Variants in STK32B observed in about 807,000 individuals in gnomAD.
STK32B encodes the protein serine/threonine-protein kinase 32B.
STK32B carries 43 observed loss-of-function variants against 52.6 expected under a neutral mutation model. That is an observed-to-expected ratio of 0.82 (90% confidence interval 0.64 to 1.05). STK32B has a LOEUF of 1.05. Among genes scored for constraint, STK32B ranks in the 50% least tolerant of loss-of-function variants. The probability of loss-of-function intolerance (pLI) is 0.00; values close to 1 mark genes in which losing one functional copy is unlikely to be tolerated. For synonymous variants in STK32B, 238 were observed against 204.3 expected, an observed-to-expected ratio of 1.17 and a Z score of -1.41; for missense variants, 621 against 534.6, an observed-to-expected ratio of 1.16 and a Z score of -1.59.
At chr4:5,037,601 G>A in the STK32B span, among the ~76,000 whole-genome samples, 1 of 152,170 alleles carries the variant, frequency 6.6e-6, no homozygotes, top group African/African-American at 2.4e-5. Flanking sequence ...GATTTGGACT[G>A]AGGGTGCCTG....
At chr4:5,455,410 C>T (rs1345822464) in intron 7 of STK32B, among the ~76,000 whole-genome samples, 1 of 152,246 alleles carries the variant, frequency 6.6e-6, no homozygotes, top group Non-Finnish European at 1.5e-5. Context: ...GATCATGCTT[C>T]TACATATGCC....
intron 1 of STK32B, among the ~76,000 whole-genome samples, chr4:5,095,416 A>C (rs1321491809): frequency 6.6e-6 from 1 of 152,216 alleles, no homozygotes; most frequent in Non-Finnish European, 1.5e-5. Flanking sequence ...GGAGTTCAAG[A>C]CCAGTCTGGC....
At chr4:5,198,683 T>C (rs891724951) in intron 3 of STK32B, among the ~76,000 whole-genome samples, 4 of 152,182 alleles carry the variant, frequency 2.6e-5, no homozygotes, top group Middle Eastern at 3.2e-3. Flanking sequence ...ACTCCCTCTT[T>C]AGGCAGGATT....
chr4:5,156,042 C>T (rs1414945832), intron 2 of STK32B, among the ~76,000 whole-genome samples: 1 of 151,662 alleles, frequency 6.6e-6, no homozygotes, highest in African/African-American at 2.4e-5. Context: ...ATAGATCCAC[C>T]ACAAAACACA....
At position 5,361,644 on chromosome 4, in the gene STK32B, G is replaced by A. The variant is rs115347401; in HGVS notation, c.434+30251G>A. On this transcript the variant is annotated intron_variant, in intron 4 of 11. Coordinates refer to ENST00000282908, the MANE Select transcript of STK32B (RefSeq NM_018401.3). ...ATCAATGGCATAGGCCATATTGCTT[G>A]GCCTATTTCAATTTTTTTTGAAGAA... is the stretch of plus-strand genomic sequence containing the variant. Among the ~76,000 whole-genome samples the A allele has an allele frequency of 5.2e-3, 786 of 152,274 alleles. 4 individuals are homozygous for A. Among genetic ancestry groups the A allele is most frequent in the Non-Finnish European group, 7.1e-3 (481 of 68,020 alleles).
At chr4:5,057,375 A>G (rs1742046774) in intron 1 of STK32B, among the ~76,000 whole-genome samples, 1 of 152,186 alleles carries the variant, frequency 6.6e-6, no homozygotes, top group South Asian at 2.1e-4. Flanking sequence ...CATGGTGCAC[A>G]GAGAACTCCC....
intron 1 of STK32B, among the ~76,000 whole-genome samples, chr4:5,122,292 A>G (rs1444740161): frequency 2.6e-5 from 4 of 151,706 alleles, no homozygotes; most frequent in African/African-American, 9.7e-5. Flanking sequence ...CCATTCACTC[A>G]CCCATTCATG....
intron 4 of STK32B, among the ~76,000 whole-genome samples, chr4:5,339,403 G>GT (rs1203853328): frequency 3.9e-5 from 6 of 152,142 alleles, no homozygotes; most frequent in African/African-American, 9.7e-5. Context: ...TTGAGTCAGC[G>GT]TTTTTTACCT....
intron 1 of STK32B, among the ~76,000 whole-genome samples, chr4:5,102,321 C>G (rs962906922): frequency 6.6e-6 from 1 of 152,168 alleles, no homozygotes; most frequent in African/African-American, 2.4e-5. Flanking sequence ...GCTCCTGCGT[C>G]TGCACCACCG....
At chr4:5,455,338 C>T (rs1325877852) in intron 7 of STK32B, among the ~76,000 whole-genome samples, 3 of 152,214 alleles carry the variant, frequency 2.0e-5, no homozygotes, top group Admixed American at 6.5e-5. Flanking sequence ...GGCTCGATCA[C>T]GTGGTGGTGA....
chr4:5,431,057 A>T (rs181285573), intron 6 of STK32B, among the ~76,000 whole-genome samples: 7 of 152,284 alleles, frequency 4.6e-5, no homozygotes, highest in Non-Finnish European at 1.5e-5. Flanking sequence ...CTTAGGGGTG[A>T]TCCTATCTTT....
intron 6 of STK32B, among the ~76,000 whole-genome samples, chr4:5,440,474 A>C (rs1714619475): frequency 6.6e-6 from 1 of 152,142 alleles, no homozygotes; most frequent in Non-Finnish European, 1.5e-5. Context: ...GACTTTGCTG[A>C]AGTTGCTTAT....
chr4:5,264,719 G>A lies in STK32B; in HGVS notation c.261-66501G>A, dbSNP rs570239346. On this transcript the variant is annotated intron_variant, in intron 3 of 11. Coordinates refer to ENST00000282908, the MANE Select transcript of STK32B (RefSeq NM_018401.3). ...GGAGAATGGCGTGAACCCAGGAGGC[G>A]GAGCTTGCAGTGAGCCAAGATTGCG... is the stretch of plus-strand genomic sequence containing the variant. Among the ~76,000 whole-genome samples the A allele has an allele frequency of 4.1e-4, 63 of 152,138 alleles. 1 individual carries two copies. The highest frequency in any genetic ancestry group is 7.9e-4 in the Admixed American group (12 of 15,270).
At chr4:5,053,861 C>G (rs1741887928) in intron 1 of STK32B, among the ~76,000 whole-genome samples, 1 of 152,036 alleles carries the variant, frequency 6.6e-6, no homozygotes, top group Non-Finnish European at 1.5e-5. Context: ...AACCTGTAAT[C>G]CCAGCTACTC....
chr4:5,486,023 A>G (rs1333428188), intron 11 of STK32B, among the ~76,000 whole-genome samples: 4 of 152,048 alleles, frequency 2.6e-5, no homozygotes, highest in Non-Finnish European at 2.9e-5. Context: ...CAGTTAGGCT[A>G]CTCGGGGATC....
intron 4 of STK32B, among the ~76,000 whole-genome samples, chr4:5,372,095 C>T (rs1003511329): frequency 6.6e-6 from 1 of 152,254 alleles, no homozygotes; most frequent in Non-Finnish European, 1.5e-5. Context: ...AAGGGACAAA[C>T]ACTATAACCT....
chr4:5,058,557 T>TTTTTG lies in STK32B; in HGVS notation c.52+6656_52+6660dup, dbSNP rs1341548873. ...GTGGGACAGACTCTTTTCCCATCTT[T>TTTTTG]TTTTGTTTTGTTTTGTTTGTTTGTT... On this transcript the variant is annotated intron_variant, in intron 1 of 11. Transcript: ENST00000282908. This position sits in a 1 kb window ranked among gnomAD's most constrained non-coding sequence, Gnocchi z 4.8. Among the ~76,000 whole-genome samples, 2 of 151,980 alleles carry TTTTTG rather than the reference T, an allele frequency of 1.3e-5. No homozygotes were observed. The highest frequency in any genetic ancestry group is 3.9e-4 in the East Asian group (2 of 5,166).
intron 6 of STK32B, among the ~76,000 whole-genome samples, chr4:5,437,225 G>C (rs973713439): frequency 1.3e-5 from 2 of 152,222 alleles, no homozygotes; most frequent in East Asian, 3.8e-4. Context: ...TTCATTTATT[G>C]TGTCTGCAAA....
intron 3 of STK32B, among the ~76,000 whole-genome samples, chr4:5,254,216 T>G (rs1247787661): frequency 6.6e-6 from 1 of 152,238 alleles, no homozygotes; most frequent in Non-Finnish European, 1.5e-5. Context: ...TATTATATTT[T>G]TAATGTCTGT....
Sources: gnomAD v4.1 joint callset for allele counts (sites outside exome capture counted in the v4.1 genomes callset) on GRCh38, gnomAD v4.1.1 for gene constraint, Gnocchi (gnomAD v3.1) non-coding constraint, MANE v1.5 for transcripts, NCBI Gene and HGNC (gene_info 2026-07-23, HGNC 2026-07-21) for gene names.